The following PLCH1 variants were observed in gnomAD, a reference collection of about 807,000 sequenced individuals.
PLCH1 encodes the protein 1-phosphatidylinositol 4,5-bisphosphate phosphodiesterase eta-1.
A neutral mutation model predicts 126.7 loss-of-function variants in PLCH1; 60 were observed. That is an observed-to-expected ratio of 0.47 (90% confidence interval 0.38 to 0.59). The LOEUF (loss-of-function observed/expected upper bound fraction) is 0.59, where lower values mean the gene tolerates loss of function less well. Among genes scored for constraint, PLCH1 ranks in the 20% least tolerant of loss-of-function variants. The pLI, the probability that PLCH1 is intolerant of heterozygous loss-of-function variation, is 0.00. For missense variants in PLCH1, 1,723 were observed against 2,040.0 expected, an observed-to-expected ratio of 0.84 and a Z score of 2.99; for synonymous variants, 719 against 734.9, an observed-to-expected ratio of 0.98 and a Z score of 0.35.
intron 2 of PLCH1, among the ~76,000 whole-genome samples, chr3:155,697,802 T>A (rs900622124): frequency 6.6e-6 from 1 of 152,024 alleles, no homozygotes; most frequent in East Asian, 1.9e-4. Context: ...CTCAGGAGGG[T>A]CCTTGGTAAC....
intron 21 of PLCH1, among the ~76,000 whole-genome samples, chr3:155,466,425 G>A (rs1434985686): frequency 1.3e-5 from 2 of 152,204 alleles, no homozygotes; most frequent in Non-Finnish European, 2.9e-5. Context: ...GAACCACACT[G>A]TTACTAGGCT....
intron 11 of PLCH1, among the ~76,000 whole-genome samples, chr3:155,516,180 C>G (rs943491257): frequency 3.9e-5 from 6 of 152,164 alleles, no homozygotes; most frequent in Admixed American, 1.3e-4. Flanking sequence ...GAAGGGAACA[C>G]CCTCCTGTCA....
intron 9 of PLCH1, among the ~76,000 whole-genome samples, chr3:155,553,019 T>C (rs1318132337): frequency 6.6e-6 from 1 of 152,068 alleles, no homozygotes; most frequent in East Asian, 1.9e-4. Context: ...CCTTGGGGAG[T>C]AAGCTCCTTA....
At chr3:155,707,663 C>CAAA (rs11377105) in intron 1 of PLCH1, among the ~76,000 whole-genome samples, 4 of 142,240 alleles carry the variant, frequency 2.8e-5, no homozygotes, top group Admixed American at 6.9e-5. Context: ...AACTCCATCT[C>CAAA]AAAAAAAAAA....
intron 1 of PLCH1, 146 bp from the exon 2 acceptor site, chr3:155,704,410 G>A: frequency 2.5e-6 from 1 of 395,264 alleles, no homozygotes; most frequent in Non-Finnish European, 4.5e-6. Flanking sequence ...GAATCCCCCA[G>A]GCCCTAAGAA....
intron 2 of PLCH1, among the ~76,000 whole-genome samples, chr3:155,698,252 A>C (rs1296292695): frequency 1.3e-5 from 2 of 152,224 alleles, no homozygotes; most frequent in Non-Finnish European, 1.5e-5. Context: ...AAGACCAAAA[A>C]AATGAAAGAA....
Position 155,494,520 on chromosome 3 carries a change from G to A in PLCH1, c.1895-3C>T, listed in dbSNP as rs200861842. 224 of 1,544,948 alleles carry A rather than the reference G, an allele frequency of 1.4e-4. 3 individuals carry two copies. The highest frequency in any genetic ancestry group is 1.1e-4 in the Non-Finnish European group (123 of 1,154,880). On this transcript the variant is annotated splice_polypyrimidine_tract_variant and splice_region_variant and intron_variant, in intron 15 of 22. Transcript: ENST00000460012. ...TGATAACACATTTCCTGTGGTTCCT[G>A]GCAGTTTTTAATCGAGAAAAAAGGA... is the stretch of plus-strand genomic sequence containing the variant.
At chr3:155,569,418 G>C (rs112850595) in intron 6 of PLCH1, among the ~76,000 whole-genome samples, 3 of 152,022 alleles carry the variant, frequency 2.0e-5, no homozygotes, top group African/African-American at 7.2e-5. Context: ...CTGCTGTATG[G>C]CTGTTTTTTG....
chr3:155,582,672 C>T (rs115161017), intron 6 of PLCH1, among the ~76,000 whole-genome samples: 212 of 152,148 alleles, frequency 1.4e-3, no homozygotes, highest in African/African-American at 4.8e-3. Flanking sequence ...TATATTAAGA[C>T]GATTGGTCCA....
intron 2 of PLCH1, among the ~76,000 whole-genome samples, chr3:155,702,097 A>T: frequency 6.6e-6 from 1 of 152,126 alleles, no homozygotes; most frequent in Middle Eastern, 3.2e-3. Context: ...CCCCTTGTGT[A>T]TCTTGTGTTT....
At chr3:155,553,555 C>T (rs764022843) in intron 9 of PLCH1, among the ~76,000 whole-genome samples, 32 of 151,656 alleles carry the variant, frequency 2.1e-4, no homozygotes, top group Non-Finnish European at 4.1e-4. Context: ...CAGAAGACTG[C>T]AGTACAAAAA....
At chr3:155,464,838 C>T (rs776913392) in intron 21 of PLCH1, among the ~76,000 whole-genome samples, 27 of 152,200 alleles carry the variant, frequency 1.8e-4, no homozygotes, top group Non-Finnish European at 3.1e-4. Context: ...CAGCCGGGCA[C>T]GGTGGCTCAT....
intron 2 of PLCH1, among the ~76,000 whole-genome samples, chr3:155,665,460 GAAGAAATTGTT>G (rs1742618711): frequency 6.6e-6 from 1 of 152,190 alleles, no homozygotes; most frequent in Non-Finnish European, 1.5e-5. Flanking sequence ...TTTCAAGAAA[GAAGAAATTGTT>G]CTACATGGTT....
At chr3:155,607,923 A>G (rs552529949) in intron 2 of PLCH1, among the ~76,000 whole-genome samples, 1 of 152,322 alleles carries the variant, frequency 6.6e-6, no homozygotes, top group African/African-American at 2.4e-5. Flanking sequence ...GAGTTCACAG[A>G]TCCTGTGGAA....
chr3:155,658,987 T>G (rs1283311444), intron 2 of PLCH1, among the ~76,000 whole-genome samples: 1 of 152,090 alleles, frequency 6.6e-6, no homozygotes, highest in Non-Finnish European at 1.5e-5. Flanking sequence ...TTGACATGAG[T>G]GAAATCTCAA....
downstream of PLCH1, among the ~76,000 whole-genome samples, chr3:155,475,963 A>T (rs1713528839): frequency 6.6e-6 from 1 of 152,184 alleles, no homozygotes; most frequent in Admixed American, 6.5e-5. Context: ...AACTCTTTCT[A>T]TGAAGCCAGT....
chr3:155,628,813 G>A (rs1343017677), intron 2 of PLCH1, among the ~76,000 whole-genome samples: 1 of 152,156 alleles, frequency 6.6e-6, no homozygotes, highest in African/African-American at 2.4e-5. Context: ...TTAAAACCTT[G>A]TTGAGGCGTT....
At chr3:155,576,083 A>T (rs1376326206) in intron 6 of PLCH1, among the ~76,000 whole-genome samples, 1 of 152,168 alleles carries the variant, frequency 6.6e-6, no homozygotes, top group Non-Finnish European at 1.5e-5. Context: ...GGGAAAATGA[A>T]ATCAAATTGT....
chr3:155,699,125 G>C (rs1241333341), intron 2 of PLCH1, among the ~76,000 whole-genome samples: 1 of 150,974 alleles, frequency 6.6e-6, no homozygotes, highest in Admixed American at 6.6e-5. Flanking sequence ...GCCCAGGCTG[G>C]AGTGCAGTGG....
Sources: gnomAD v4.1 joint callset for allele counts (sites outside exome capture counted in the v4.1 genomes callset) on GRCh38, gnomAD v4.1.1 for gene constraint, MANE v1.5 for transcripts, NCBI Gene and HGNC (gene_info 2026-07-23, HGNC 2026-07-21) for gene names.